EBF1: variants seen among roughly 807,000 people sequenced by gnomAD.
EBF1 encodes the protein transcription factor COE1.
A neutral mutation model predicts 68.4 loss-of-function variants in EBF1; 10 were observed. The ratio of observed to expected loss-of-function variants is 0.15; its 90% CI spans 0.09 to 0.25. EBF1 has a LOEUF of 0.25. Ranked by LOEUF, EBF1 falls within the 10% of genes least tolerant of loss-of-function variation. The pLI is 1.00. For missense variants in EBF1, 509 were observed against 794.4 expected, an observed-to-expected ratio of 0.64 and a Z score of 4.32; for synonymous variants, 298 against 299.8, an observed-to-expected ratio of 0.99 and a Z score of 0.06.
intron 6 of EBF1, among the ~76,000 whole-genome samples, chr5:158,857,814 C>G (rs1794319894): frequency 6.6e-6 from 1 of 152,136 alleles, no homozygotes; most frequent in African/African-American, 2.4e-5. Flanking sequence ...TTGTGACAAG[C>G]CTCTCTAGAA....
chr5:158,704,613 C>A (rs1757468363), intron 15 of EBF1, among the ~76,000 whole-genome samples: 1 of 151,894 alleles, frequency 6.6e-6, no homozygotes, highest in Non-Finnish European at 1.5e-5. Context: ...CCATAACCTG[C>A]CTTCATCCTT....
At chr5:158,997,086 A>G (rs1246434113) in intron 6 of EBF1, among the ~76,000 whole-genome samples, 1 of 152,108 alleles carries the variant, frequency 6.6e-6, no homozygotes, top group African/African-American at 2.4e-5. Flanking sequence ...ATCCTCCACA[A>G]AAGCCCTTTG....
chr5:158,807,028 G>C (rs1465841380), intron 8 of EBF1, among the ~76,000 whole-genome samples: 1 of 152,216 alleles, frequency 6.6e-6, no homozygotes, highest in African/African-American at 2.4e-5. Context: ...GTAGTCAATA[G>C]TTATAGTGGC....
intron 8 of EBF1, among the ~76,000 whole-genome samples, chr5:158,797,487 T>G (rs1289982421): frequency 6.6e-6 from 1 of 152,230 alleles, no homozygotes; most frequent in African/African-American, 2.4e-5. Flanking sequence ...GACCCTCATC[T>G]TTAATAAAAA....
At chr5:158,836,638 C>A (rs902202758) in intron 7 of EBF1, among the ~76,000 whole-genome samples, 2 of 152,210 alleles carry the variant, frequency 1.3e-5, no homozygotes, top group African/African-American at 4.8e-5. Flanking sequence ...CATGCACCTG[C>A]ATGCATGAAA....
intron 6 of EBF1, among the ~76,000 whole-genome samples, chr5:158,997,325 G>T (rs1393163098): frequency 6.6e-6 from 1 of 152,080 alleles, no homozygotes; most frequent in Non-Finnish European, 1.5e-5. Context: ...CCTTGAACTG[G>T]GTCTGTGAGC....
chr5:158,882,810 C>T (rs527710729), intron 6 of EBF1, among the ~76,000 whole-genome samples: 1 of 152,316 alleles, frequency 6.6e-6, no homozygotes, highest in Non-Finnish European at 1.5e-5. Context: ...GTGTTACACA[C>T]CATCGAGCAC....
chr5:158,954,414 T>C (rs1011350665), intron 6 of EBF1, among the ~76,000 whole-genome samples: 3 of 152,242 alleles, frequency 2.0e-5, no homozygotes, highest in African/African-American at 7.2e-5. Context: ...CTGAATTAAA[T>C]TGCAACCAGT....
chr5:158,816,782 C>T (rs1783836053), intron 8 of EBF1, among the ~76,000 whole-genome samples: 2 of 151,784 alleles, frequency 1.3e-5, no homozygotes, highest in Non-Finnish European at 2.9e-5. Flanking sequence ...ATCAATAATA[C>T]GAAGCCATCT....
intron 6 of EBF1, among the ~76,000 whole-genome samples, chr5:158,851,932 G>C (rs1158249485): frequency 9.7e-3 from 3 of 310 alleles, no homozygotes; most frequent in Non-Finnish European, 0.02. Flanking sequence ...GAAGGGTAGG[G>C]GAGGGGCAGG....
chr5:158,731,667 T>C (rs138718166), intron 10 of EBF1, among the ~76,000 whole-genome samples: 226 of 152,264 alleles, frequency 1.5e-3, no homozygotes, highest in African/African-American at 5.1e-3. Context: ...GAAGTGAATC[T>C]TTGAGGTATG....
intron 6 of EBF1, among the ~76,000 whole-genome samples, chr5:158,923,724 A>G (rs1808959428): frequency 6.6e-6 from 1 of 152,146 alleles, no homozygotes. Flanking sequence ...CTCAAATTGT[A>G]CCCATGTGTA....
chr5:158,822,263 TGGAC>T (rs58788704), intron 8 of EBF1, among the ~76,000 whole-genome samples: 35,487 of 89,950 alleles, frequency 0.39, 4,748 homozygotes, highest in African/African-American at 0.43. Context: ...GATGGACGGA[TGGAC>T]GGATGGATGG....
At position 158,999,781 on chromosome 5, in the gene EBF1, C is replaced by T. The variant is rs372462118; in HGVS notation, c.554+73615G>A. On this transcript the variant is annotated intron_variant, in intron 6 of 15. Coordinates refer to ENST00000313708, the MANE Select transcript of EBF1 (RefSeq NM_024007.5). ...ACTGACATTTTAACGAAGCCTCTAT[C>T]CACCATTACAGACAGACATACATAT... Among the ~76,000 whole-genome samples the T allele has an allele frequency of 3.2e-4, 48 of 152,294 alleles. 1 individual carries two copies. In the South Asian group the frequency reaches 7.1e-3, roughly 22 times the overall value.
At chr5:158,811,901 T>C (rs1228507393) in intron 8 of EBF1, among the ~76,000 whole-genome samples, 1 of 152,178 alleles carries the variant, frequency 6.6e-6, no homozygotes, top group Non-Finnish European at 1.5e-5. Context: ...TGTGTTCCCC[T>C]CTCCTGTTCA....
intron 6 of EBF1, among the ~76,000 whole-genome samples, chr5:158,947,575 A>G (rs149790398): frequency 1.1e-4 from 17 of 152,334 alleles, no homozygotes; most frequent in African/African-American, 4.1e-4. Context: ...TTGGAAATGC[A>G]GAAATCACCT....
chr5:159,066,166 G>A (rs1318175147), intron 6 of EBF1, among the ~76,000 whole-genome samples: 6 of 152,136 alleles, frequency 3.9e-5, no homozygotes, highest in Non-Finnish European at 5.9e-5. Flanking sequence ...AGGCTGCTCT[G>A]TAGCATATGG....
chr5:158,929,211 C>G (rs1417632877), intron 6 of EBF1, among the ~76,000 whole-genome samples: 2 of 152,084 alleles, frequency 1.3e-5, no homozygotes, highest in Non-Finnish European at 2.9e-5. Context: ...GCGTCCTGGT[C>G]CACAGATGAA....
intron 6 of EBF1, among the ~76,000 whole-genome samples, chr5:158,902,951 A>C (rs1803771236): frequency 6.6e-6 from 1 of 152,198 alleles, no homozygotes; most frequent in Non-Finnish European, 1.5e-5. Flanking sequence ...AAAGTGGAGA[A>C]GGGAAAGCTG....
Sources: allele counts gnomAD v4.1 joint callset (sites outside exome capture counted in the v4.1 genomes callset), GRCh38; gene constraint gnomAD v4.1.1; transcripts MANE v1.5; gene names NCBI Gene and HGNC (gene_info 2026-07-23, HGNC 2026-07-21).